PLA2G4E: variants seen among roughly 807,000 people sequenced by gnomAD.
The protein encoded by PLA2G4E is phospholipase A2 group IVE, also known as cytosolic phospholipase A2 epsilon.
Under a neutral mutation model 109.1 loss-of-function variants are expected in PLA2G4E, and 84 were observed. The ratio of observed to expected loss-of-function variants is 0.77; its 90% CI spans 0.65 to 0.92. PLA2G4E has a LOEUF of 0.92. Among genes scored for constraint, PLA2G4E ranks in the 40% least tolerant of loss-of-function variants. PLA2G4E has a pLI of 0.00. For missense variants in PLA2G4E, 1,057 were observed against 1,076.6 expected (o/e 0.98, Z 0.25); for synonymous variants, 469 against 436.1 (o/e 1.08, Z -0.94).
At chr15:42,015,070 G>A (rs978429261) in intron 1 of PLA2G4E, among the ~76,000 whole-genome samples, 2 of 152,088 alleles carry the variant, frequency 1.3e-5, no homozygotes, top group East Asian at 3.9e-4. Flanking sequence ...CTCAAGCCCA[G>A]GTCCTCAAGG....
At chr15:42,049,929 G>A (rs1889479039) in intron 1 of PLA2G4E, among the ~76,000 whole-genome samples, 1 of 152,222 alleles carries the variant, frequency 6.6e-6, no homozygotes, top group Admixed American at 6.5e-5. Context: ...TTTGATTTCT[G>A]TAGCCCACTC....
chr15:42,013,667 AGTGAGGTGGATACTCAC>A lies in PLA2G4E; in HGVS notation c.256+1_256+17del. The A allele has an allele frequency of 6.5e-7, 1 of 1,545,694 alleles. No individual in the cohort carries two copies. The highest frequency in any genetic ancestry group is 2.4e-5 in the East Asian group (1 of 40,892). On this transcript the variant is annotated splice_donor_variant and splice_donor_5th_base_variant and intron_variant, in intron 2 of 19. Coordinates refer to ENST00000399518, the Ensembl canonical transcript of PLA2G4E. LOFTEE classifies it high-confidence loss of function. ...GATCCGGTAAGCAGAGAAGGAGAGA[AGTGAGGTGGATACTCAC>A]GCATATCAGCCTGCCGGACATTTTT... is the stretch of plus-strand genomic sequence containing the variant.
At chr15:42,039,522 C>T (rs993747189) in intron 1 of PLA2G4E, among the ~76,000 whole-genome samples, 1 of 148,796 alleles carries the variant, frequency 6.7e-6, no homozygotes, top group Non-Finnish European at 1.5e-5. Context: ...TATATACATA[C>T]ATATGTATGT....
chr15:41,997,723 C>G (rs2068364468), intron 10 of PLA2G4E: 1 of 152,612 alleles, frequency 6.6e-6, no homozygotes, highest in Non-Finnish European at 1.5e-5. Flanking sequence ...AACAAACTCC[C>G]TGTTCCTATG....
chr15:42,025,431 G>T (rs1345366640), intron 1 of PLA2G4E, among the ~76,000 whole-genome samples: 1 of 152,064 alleles, frequency 6.6e-6, no homozygotes, highest in Admixed American at 6.5e-5. Context: ...GTGCTTATCT[G>T]GGAGGGAGAG....
chr15:42,046,754 T>C (rs1421424795), intron 1 of PLA2G4E, among the ~76,000 whole-genome samples: 4 of 152,146 alleles, frequency 2.6e-5, no homozygotes, highest in African/African-American at 9.7e-5. Flanking sequence ...GTTCAATGAA[T>C]GAAAAAATGC....
At chr15:42,027,891 C>T (rs972171937) in intron 1 of PLA2G4E, among the ~76,000 whole-genome samples, 1 of 73,104 alleles carries the variant, frequency 1.4e-5, no homozygotes, top group Non-Finnish European at 2.9e-5. Flanking sequence ...CTCTCATCTA[C>T]CTACTTGCTT....
At chr15:42,010,932 G>A (rs1038062141) in intron 2 of PLA2G4E, among the ~76,000 whole-genome samples, 4 of 152,224 alleles carry the variant, frequency 2.6e-5, no homozygotes, top group African/African-American at 9.6e-5. Context: ...TGGAAGTGCT[G>A]TTTATTTTGG....
At chr15:42,013,033 C>T (rs1054588420) in intron 2 of PLA2G4E, among the ~76,000 whole-genome samples, 18 of 152,200 alleles carry the variant, frequency 1.2e-4, no homozygotes, top group Admixed American at 1.3e-4. Flanking sequence ...CACTGAGATG[C>T]CTCCATTGGC....
chr15:42,002,684 A>G (rs2068434393), exon 6 of PLA2G4E: 2 of 1,581,554 alleles, frequency 1.3e-6, no homozygotes, highest in Non-Finnish European at 1.7e-6. Flanking sequence ...CGAGGGTCTC[A>G]GGTGGAGAGG....
chr15:42,041,359 C>G (rs1236318100), intron 1 of PLA2G4E, among the ~76,000 whole-genome samples: 1 of 152,122 alleles, frequency 6.6e-6, no homozygotes. Flanking sequence ...AGCAGTGCCC[C>G]CATTCCACTC....
At chr15:42,044,455 G>A (rs148270473) in intron 1 of PLA2G4E, among the ~76,000 whole-genome samples, 285 of 152,236 alleles carry the variant, frequency 1.9e-3, no homozygotes, top group Non-Finnish European at 3.6e-3. Context: ...GATGAGGTCA[G>A]AGAGGCCTTG....
chr15:42,002,956 T>A (rs537774480), intron 5 of PLA2G4E, among the ~76,000 whole-genome samples: 1 of 152,362 alleles, frequency 6.6e-6, no homozygotes, highest in East Asian at 1.9e-4. Flanking sequence ...AAAGGATAAC[T>A]GTTTTTTATG....
In PLA2G4E at chr15:42,004,408, AGAAG is replaced by A. The variant is rs200233390; in HGVS notation, c.566+526_566+529del. ...AGGAAGGGAGGGAGGGAGGGAGGAA[AGAAG>A]GAAGGAAGGCAGGCAGGCAAGAAAG... On this transcript the variant is annotated intron_variant, in intron 5 of 19. Coordinates refer to ENST00000399518, the Ensembl canonical transcript of PLA2G4E. Among the ~76,000 whole-genome samples the A allele has an allele frequency of 5.4e-3, 439 of 80,912 alleles. 1 individual carries two copies. Among genetic ancestry groups the A allele is most frequent in the Non-Finnish European group, 8.2e-3 (254 of 30,994 alleles). The allele number at this position is 80,912 out of a possible 152,430, so 53.1% of individuals were successfully genotyped here.
At chr15:42,037,821 C>T (rs564438656) in intron 1 of PLA2G4E, among the ~76,000 whole-genome samples, 9 of 152,310 alleles carry the variant, frequency 5.9e-5, no homozygotes, top group East Asian at 1.9e-4. Flanking sequence ...AAGCTGCTTG[C>T]GGTGCACCTG....
exon 20 of PLA2G4E, chr15:41,981,688 G>A (rs904931283): frequency 2.6e-5 from 4 of 152,188 alleles, no homozygotes; most frequent in African/African-American, 4.8e-5. Flanking sequence ...TTCGCCTTAC[G>A]ATAAACAAGT....
At chr15:42,007,475 C>G (rs1248916804) in intron 3 of PLA2G4E, among the ~76,000 whole-genome samples, 1 of 152,014 alleles carries the variant, frequency 6.6e-6, no homozygotes, top group Non-Finnish European at 1.5e-5. Flanking sequence ...TAAGAGACAC[C>G]TAGTTTCAGC....
At chr15:41,984,406 T>C (rs771832627) in intron 19 of PLA2G4E, 30 bp downstream of exon 19, 16 of 1,585,328 alleles carry the variant, frequency 1.0e-5, no homozygotes, top group Non-Finnish European at 1.2e-5. Flanking sequence ...GGGCAGCAGG[T>C]GCTGGGAACT....
At chr15:42,037,735 T>A (rs1230980418) in intron 1 of PLA2G4E, among the ~76,000 whole-genome samples, 1 of 152,160 alleles carries the variant, frequency 6.6e-6, no homozygotes, top group Non-Finnish European at 1.5e-5. Context: ...CATCTGTGAC[T>A]CCCTCTTCGG....
Sources: gnomAD v4.1 joint callset for allele counts (sites outside exome capture counted in the v4.1 genomes callset) on GRCh38, gnomAD v4.1.1 for gene constraint, MANE v1.5 for transcripts, NCBI Gene and HGNC (gene_info 2026-07-23, HGNC 2026-07-21) for gene names.